The following AGAP1 variants were observed in gnomAD, a reference collection of about 807,000 sequenced individuals.
AGAP1 encodes the protein arf-GAP with GTPase, ANK repeat and PH domain-containing protein 1.
A neutral mutation model predicts 105.3 loss-of-function variants in AGAP1; 29 were observed. The observed-to-expected ratio is 0.28, with a 90% CI of 0.21 to 0.38. The LOEUF (loss-of-function observed/expected upper bound fraction) is 0.38, where lower values mean the gene tolerates loss of function less well. AGAP1 is among the 10% of genes least tolerant of loss of function. The pLI is 1.00. For synonymous variants in AGAP1, 509 were observed against 485.9 expected (o/e 1.05, Z -0.63); for missense variants, 998 against 1,165.1 (o/e 0.86, Z 2.09).
intron 1 of AGAP1, among the ~76,000 whole-genome samples, chr2:235,527,951 A>G (rs1942903879): frequency 1.3e-5 from 2 of 152,180 alleles, no homozygotes; most frequent in Non-Finnish European, 2.9e-5. Context: ...TGTCTGTATC[A>G]TCTTGAGTAC....
In AGAP1 at chr2:236,003,542, A is replaced by G. The variant is rs1004379079; in HGVS notation, c.1646-33019A>G. ...GACCCATGGCCCAGAGCCCAGAGTCACCCGCAGCCCCCCTGCGCTGCTGCT... is the reference window on the plus strand; with the variant it reads ...GACCCATGGCCCAGAGCCCAGAGTCGCCCGCAGCCCCCCTGCGCTGCTGCT... On this transcript the variant is annotated intron_variant, in intron 13 of 17. Transcript: ENST00000304032. This position sits in a 1 kb window ranked among gnomAD's most constrained non-coding sequence, Gnocchi z 4.2. Among the ~76,000 whole-genome samples the G allele has an allele frequency of 2.6e-5, 4 of 152,152 alleles. No individual in the cohort carries two copies. The highest frequency in any genetic ancestry group is 7.2e-5 in the African/African-American group (3 of 41,440).
chr2:235,911,608 A>C (rs192051941), intron 11 of AGAP1, among the ~76,000 whole-genome samples: 83 of 152,370 alleles, frequency 5.4e-4, no homozygotes, highest in African/African-American at 1.9e-3. Context: ...CAAAGGCCCT[A>C]TAAACCGTAC....
intron 12 of AGAP1, among the ~76,000 whole-genome samples, chr2:235,966,566 C>T (rs1391895372): frequency 3.9e-5 from 6 of 152,068 alleles, no homozygotes; most frequent in Non-Finnish European, 7.4e-5. Context: ...GCTGAGACAC[C>T]GAATTGCCAC....
chr2:235,861,715 C>G (rs962514603), intron 9 of AGAP1, among the ~76,000 whole-genome samples: 1 of 152,214 alleles, frequency 6.6e-6, no homozygotes, highest in East Asian at 1.9e-4. Context: ...GAAAGACCCA[C>G]TGTGTCCCTG....
At chr2:235,783,543 T>C (rs1268329395) in intron 6 of AGAP1, among the ~76,000 whole-genome samples, 1 of 152,202 alleles carries the variant, frequency 6.6e-6, no homozygotes, top group Non-Finnish European at 1.5e-5. Context: ...GATTCTAGTA[T>C]CTTGTTATGC....
chr2:235,845,735 CCTT>C lies in AGAP1; in HGVS notation c.1051-37607_1051-37605del, dbSNP rs1406924311. Among the ~76,000 whole-genome samples the C allele has an allele frequency of 1.3e-5, 2 of 152,110 alleles. No homozygotes were observed. Among genetic ancestry groups the C allele is most frequent in the Non-Finnish European group, 2.9e-5 (2 of 68,026 alleles). ...GACTATTCCTGATGTCATCTATTAA[CCTT>C]CTCCAGCTGCTCCGAGATGGTCACC... On this transcript the variant is annotated intron_variant, in intron 9 of 17. Transcript: ENST00000304032. The surrounding 1 kb of genome is among the most constrained non-coding windows in gnomAD (Gnocchi z 4.8).
Position 235,600,167 on chromosome 2 carries a change from C to T in AGAP1, c.163+105318C>T, listed in dbSNP as rs192444862. Among the ~76,000 whole-genome samples the T allele has an allele frequency of 1.1e-3, 168 of 152,260 alleles. 1 individual carries two copies. The highest frequency in any genetic ancestry group is 1.8e-3 in the Non-Finnish European group (124 of 68,034). ...GTCCCTTGTCCAAAATCCAAAAAGC[C>T]GACACTGGAAATATTCTGTAGCTCA... On this transcript the variant is annotated intron_variant, in intron 1 of 17. Transcript: ENST00000304032. The surrounding 1 kb of genome is among the most constrained non-coding windows in gnomAD (Gnocchi z 4.8).
chr2:236,058,794 CAT>C lies in AGAP1; in HGVS notation c.2114+9515_2114+9516del, dbSNP rs997848838. Among the ~76,000 whole-genome samples, 2 of 152,158 alleles carry C rather than the reference CAT, an allele frequency of 1.3e-5. No homozygotes were observed. The highest frequency in any genetic ancestry group is 1.3e-4 in the Admixed American group (2 of 15,280). On this transcript the variant is annotated intron_variant, in intron 16 of 17. Transcript: ENST00000304032. This position sits in a 1 kb window ranked among gnomAD's most constrained non-coding sequence, Gnocchi z 4.6. The stretch of plus-strand genomic sequence containing the variant: ...TAAAACTACCTCCATTTCCAGATGA[CAT>C]AATCTTTTATGTGGAAAATCCTAAG...
chr2:235,820,048 C>T (rs1435825930), intron 9 of AGAP1, among the ~76,000 whole-genome samples: 1 of 151,934 alleles, frequency 6.6e-6, no homozygotes, highest in Non-Finnish European at 1.5e-5. Flanking sequence ...AGATTACAGG[C>T]ATTCACCACC....
chr2:235,511,113 G>A (rs1166072623), intron 1 of AGAP1, among the ~76,000 whole-genome samples: 3 of 152,260 alleles, frequency 2.0e-5, no homozygotes, highest in East Asian at 3.9e-4. Flanking sequence ...TTACTGGCAC[G>A]TGGCAGGTGG....
chr2:235,800,961 T>C (rs1285880959), intron 8 of AGAP1, among the ~76,000 whole-genome samples: 3 of 152,200 alleles, frequency 2.0e-5, no homozygotes, highest in South Asian at 2.1e-4. Flanking sequence ...GCTGCCCCTT[T>C]GTGAATCTGA....
intron 9 of AGAP1, among the ~76,000 whole-genome samples, chr2:235,838,924 A>G (rs1960483063): frequency 6.6e-6 from 1 of 152,352 alleles, no homozygotes; most frequent in African/African-American, 2.4e-5. Flanking sequence ...CCAGTGCCTA[A>G]GACTTTCTGG....
At chr2:235,581,448 CTTT>C (rs60302284) in intron 1 of AGAP1, among the ~76,000 whole-genome samples, 10 of 136,126 alleles carry the variant, frequency 7.3e-5, no homozygotes, top group Admixed American at 1.5e-4. Context: ...TTATATTGTT[CTTT>C]TTTTTTTTTT....
At position 235,887,032 on chromosome 2, in the gene AGAP1, G is replaced by C. The variant is rs984655840; in HGVS notation, c.1155+3583G>C. Among the ~76,000 whole-genome samples, 2 of 152,202 alleles carry C rather than the reference G, an allele frequency of 1.3e-5. No homozygotes were observed. The highest frequency in any genetic ancestry group is 6.5e-5 in the Admixed American group (1 of 15,276). ...AGATTTTCCTTCATAAGAAACTTGA[G>C]AATGTGCAAATGTGTTGCTAGTTCA... On this transcript the variant is annotated intron_variant, in intron 10 of 17. Coordinates refer to ENST00000304032, the MANE Select transcript of AGAP1 (RefSeq NM_001037131.3). The surrounding 1 kb of genome is among the most constrained non-coding windows in gnomAD (Gnocchi z 4.1).
rs908560775 is a variant in AGAP1, at chr2:236,092,109, G to C, written c.2115-28083G>C. 2.0e-4 allele frequency among the ~76,000 whole-genome samples: 30 copies of C among 152,198 alleles called. No individual in the cohort carries two copies. The highest frequency in any genetic ancestry group is 7.3e-5 in the Non-Finnish European group (5 of 68,038). ...AGAGAACAGGTTAGTGGTTGTCCAG[G>C]GTTAGGGATGGAGAGGGTGGGTGAG... On this transcript the variant is annotated intron_variant, in intron 16 of 17. Coordinates refer to ENST00000304032, the MANE Select transcript of AGAP1 (RefSeq NM_001037131.3). This position sits in a 1 kb window ranked among gnomAD's most constrained non-coding sequence, Gnocchi z 4.7.
chr2:235,609,933 T>G lies in AGAP1; in HGVS notation c.164-99246T>G, dbSNP rs999269992. ...CACTGGGCTGGGTGCAGGGAGTGAG[T>G]GGCCAACCACCTGAGAATACCTGGT... On this transcript the variant is annotated intron_variant, in intron 1 of 17. Transcript: ENST00000304032. This position sits in a 1 kb window ranked among gnomAD's most constrained non-coding sequence, Gnocchi z 5.1. Among the ~76,000 whole-genome samples, 6 of 151,934 alleles carry G rather than the reference T, an allele frequency of 3.9e-5. No individual in the cohort carries two copies. The highest frequency in any genetic ancestry group is 1.2e-4 in the African/African-American group (5 of 41,372).
Position 235,659,257 on chromosome 2 carries a change from GTCTT to G in AGAP1, c.164-49918_164-49915del, listed in dbSNP as rs1947872292. Among the ~76,000 whole-genome samples the G allele has an allele frequency of 6.6e-6, 1 of 152,142 alleles. No individual in the cohort carries two copies. The highest frequency in any genetic ancestry group is 1.5e-5 in the Non-Finnish European group (1 of 68,026). On this transcript the variant is annotated intron_variant, in intron 1 of 17. Transcript: ENST00000304032. This position sits in a 1 kb window ranked among gnomAD's most constrained non-coding sequence, Gnocchi z 5.0. ...TTTTAACCTGTGACTGACTTTTTAT[GTCTT>G]TCTATGTCTGTAAAATCGGGATAAT...
In AGAP1 at chr2:236,087,494, TC is replaced by T. The variant is rs1227423777; in HGVS notation, c.2115-32695del. Reference sequence around the variant, plus strand: ...GAGAGAGCCTGTGCCCGCCCCACAGTCCCGGCTGAAATGGCAAATGCGGTGT... The same window carrying T: ...GAGAGAGCCTGTGCCCGCCCCACAGTCCGGCTGAAATGGCAAATGCGGTGT... On this transcript the variant is annotated intron_variant, in intron 16 of 17. Coordinates refer to ENST00000304032, the MANE Select transcript of AGAP1 (RefSeq NM_001037131.3). The surrounding 1 kb of genome is among the most constrained non-coding windows in gnomAD (Gnocchi z 5.7). Among the ~76,000 whole-genome samples, 1 of 152,162 alleles carries T rather than the reference TC, an allele frequency of 6.6e-6. No individual in the cohort carries two copies. Among genetic ancestry groups the T allele is most frequent in the Non-Finnish European group, 1.5e-5 (1 of 68,026 alleles).
At chr2:236,094,316 C>T (rs922748934) in intron 16 of AGAP1, among the ~76,000 whole-genome samples, 20 of 150,502 alleles carry the variant, frequency 1.3e-4, no homozygotes, top group Non-Finnish European at 2.2e-4. Context: ...ATTGCAAATA[C>T]GATGGGTCAC....
Sources: gnomAD v4.1 joint callset for allele counts (sites outside exome capture counted in the v4.1 genomes callset) on GRCh38, gnomAD v4.1.1 for gene constraint, Gnocchi (gnomAD v3.1) non-coding constraint, MANE v1.5 for transcripts, NCBI Gene and HGNC (gene_info 2026-07-23, HGNC 2026-07-21) for gene names.